The following ZFAT variants were observed in gnomAD, a reference collection of about 807,000 sequenced individuals.
The protein encoded by ZFAT is zinc finger protein ZFAT.
ZFAT carries 64 observed loss-of-function variants against 117.7 expected under a neutral mutation model. The observed-to-expected ratio is 0.54, with a 90% CI of 0.44 to 0.67. The LOEUF (loss-of-function observed/expected upper bound fraction) is 0.67, where lower values mean the gene tolerates loss of function less well. Ranked by LOEUF, ZFAT falls within the 30% of genes least tolerant of loss-of-function variation. The pLI is 0.00. For synonymous variants in ZFAT, 679 were observed against 615.0 expected, an observed-to-expected ratio of 1.10 and a Z score of -1.54; for missense variants, 1,433 against 1,584.5, an observed-to-expected ratio of 0.90 and a Z score of 1.62.
chr8:134,590,688 C>A (rs28717709), intron 7 of ZFAT, among the ~76,000 whole-genome samples: 12,435 of 136,294 alleles, frequency 0.091, 723 homozygotes, highest in East Asian at 0.43. Context: ...ACCACCACCA[C>A]CAACAACAAC....
chr8:134,776,355 G>T, the ZFAT span, among the ~76,000 whole-genome samples: 2 of 152,106 alleles, frequency 1.3e-5, no homozygotes, highest in South Asian at 2.1e-4. Context: ...CCAGGCTGCA[G>T]TGCTGCAGCA....
In ZFAT at chr8:134,618,394, C is replaced by A. The variant is rs1828888391; in HGVS notation, c.449-7739G>T. The stretch of plus-strand genomic sequence containing the variant: ...GTCCTGGTATGTGTGGTGTTTGCTG[C>A]AGAATGAGGCGGGGAGTCACACCCC... On this transcript the variant is annotated intron_variant, in intron 3 of 15. Transcript: ENST00000377838. Among the ~76,000 whole-genome samples, 2 of 152,150 alleles carry A rather than the reference C, an allele frequency of 1.3e-5. 1 individual carries two copies. The highest frequency in any genetic ancestry group is 4.1e-4 in the South Asian group (2 of 4,830).
the ZFAT span, among the ~76,000 whole-genome samples, chr8:134,780,336 G>A: frequency 1.3e-5 from 2 of 152,194 alleles, no homozygotes; most frequent in East Asian, 3.9e-4. Flanking sequence ...AGGTAACTCA[G>A]TAAATGGTAA....
intron 15 of ZFAT, among the ~76,000 whole-genome samples, chr8:134,503,108 C>CT (rs1249494813): frequency 6.6e-6 from 1 of 152,232 alleles, no homozygotes; most frequent in Non-Finnish European, 1.5e-5. Flanking sequence ...CTAGTTCCTA[C>CT]TAGACATCTA....
At chr8:134,681,843 A>T (rs552523107) in intron 1 of ZFAT, among the ~76,000 whole-genome samples, 3 of 152,346 alleles carry the variant, frequency 2.0e-5, no homozygotes, top group East Asian at 3.9e-4. Flanking sequence ...GAAATATTTT[A>T]ACAACATAAA....
intron 13 of ZFAT, among the ~76,000 whole-genome samples, chr8:134,514,094 G>A (rs1323686710): frequency 2.0e-5 from 3 of 152,152 alleles, no homozygotes; most frequent in Non-Finnish European, 4.4e-5. Flanking sequence ...AGGCATTCCT[G>A]GGAGCCAGGT....
At chr8:134,782,032 G>T in the ZFAT span, among the ~76,000 whole-genome samples, 1 of 152,196 alleles carries the variant, frequency 6.6e-6, no homozygotes, top group African/African-American at 2.4e-5. Context: ...GGGGGTGGCA[G>T]GGTGGGGTTA....
the ZFAT span, among the ~76,000 whole-genome samples, chr8:134,729,078 C>A: frequency 6.6e-6 from 1 of 152,176 alleles, no homozygotes; most frequent in Non-Finnish European, 1.5e-5. Context: ...GAATGCATAT[C>A]TTTTCCAACT....
chr8:134,597,907 C>G lies in ZFAT; in HGVS notation c.2475+2529G>C, dbSNP rs1426172279. ...GTCAACTGAGTCACACCCCCTTATTCAGCACACTGCTCTTCTCCTGCAGTT... is the reference window on the plus strand; with the variant it reads ...GTCAACTGAGTCACACCCCCTTATTGAGCACACTGCTCTTCTCCTGCAGTT... On this transcript the variant is annotated intron_variant, in intron 7 of 15. Transcript: ENST00000377838. The G allele has an allele frequency of 3.9e-5, 6 of 152,260 alleles. No homozygotes were observed. The East Asian group carries it at 1.2e-3, about 29-fold the overall frequency. 9.4% of individuals were successfully genotyped at this position (152,260 alleles called of 1,614,324 possible).
chr8:134,677,632 C>CAAATA (rs1832868854), intron 1 of ZFAT, among the ~76,000 whole-genome samples: 1 of 151,898 alleles, frequency 6.6e-6, no homozygotes, highest in Non-Finnish European at 1.5e-5. Context: ...CTAGCAGAGA[C>CAAATA]AAAATAAAAA....
At chr8:134,746,082 T>C in the ZFAT span, among the ~76,000 whole-genome samples, 1 of 152,206 alleles carries the variant, frequency 6.6e-6, no homozygotes, top group African/African-American at 2.4e-5. Flanking sequence ...CTTCTTTAAT[T>C]TGGAATCTAC....
intron 14 of ZFAT, 102 bp from the exon 15 acceptor site, chr8:134,509,851 A>G: frequency 6.9e-7 from 1 of 1,440,702 alleles, no homozygotes; most frequent in Admixed American, 2.2e-5. Context: ...CGCCTTCTCC[A>G]GAGGATGCAT....
chr8:134,719,642 G>T, the ZFAT span, among the ~76,000 whole-genome samples: 1 of 152,106 alleles, frequency 6.6e-6, no homozygotes, highest in African/African-American at 2.4e-5. Context: ...CATAAAACAT[G>T]ATTTTAATAT....
the ZFAT span, among the ~76,000 whole-genome samples, chr8:134,767,694 G>T: frequency 1.3e-5 from 2 of 152,166 alleles, no homozygotes; most frequent in Admixed American, 6.6e-5. Flanking sequence ...TTTTGGCTTC[G>T]ATTTTACTGT....
Position 134,601,641 on chromosome 8 carries a change from T to C in ZFAT, c.2078A>G (p.Asp693Gly). Reference protein sequence around the residue: ...DLLPPVAGGGDTITHQPDSCK... With the variant: ...DLLPPVAGGGGTITHQPDSCK... ...AGAGTCAGGCTGATGTGTGATGGTG[T>C]CCCCACCACCAGCTACTGGAGGGAG... The change falls in exon 6 of 16, where the codon GAC becomes GGC. Residue 693 changes from aspartate (D) to glycine (G), a missense_variant. Asp to Gly is a moderately conservative substitution (Grantham distance 94, BLOSUM62 -1). Around this residue, in one of 5 missense-constraint regions of ZFAT, gnomAD observed 372 missense variants for 355.6 expected, o/e 1.05. Transcript: ENST00000377838. 3.7e-6 allele frequency: 6 copies of C among 1,614,158 alleles called. No homozygotes were observed. The highest frequency in any genetic ancestry group is 5.1e-6 in the Non-Finnish European group (6 of 1,180,026).
chr8:134,762,011 T>TGTGTGTGTGTGTGTGTGTGC, the ZFAT span, among the ~76,000 whole-genome samples: 1 of 150,024 alleles, frequency 6.7e-6, no homozygotes, highest in African/African-American at 2.4e-5. Context: ...TGTGTGTGTG[T>TGTGTGTGTGTGTGTGTGTGC]GCAAATGTGT....
At chr8:134,641,804 CCTCTTAACTCTG>C (rs761441300) in intron 2 of ZFAT, among the ~76,000 whole-genome samples, 110 of 152,332 alleles carry the variant, frequency 7.2e-4, no homozygotes, top group Middle Eastern at 3.4e-3. Flanking sequence ...AGCCACAGTG[CCTCTTAACTCTG>C]CTCTAAATCC....
chr8:134,798,417 C>T, the ZFAT span: 1 of 151,958 alleles, frequency 6.6e-6, no homozygotes, highest in Non-Finnish European at 1.5e-5. Context: ...ACACATTAAT[C>T]AGAAAATATG....
chr8:134,485,431 C>T (rs568290063), intron 15 of ZFAT, among the ~76,000 whole-genome samples: 22 of 152,330 alleles, frequency 1.4e-4, no homozygotes, highest in Admixed American at 1.1e-3. Context: ...TGATGGACTC[C>T]TCTGTCAAAG....
Sources: allele counts gnomAD v4.1 joint callset (sites outside exome capture counted in the v4.1 genomes callset), GRCh38; gene constraint gnomAD v4.1.1; regional missense constraint gnomAD v4.1.1; transcripts MANE v1.5; gene names NCBI Gene and HGNC (gene_info 2026-07-23, HGNC 2026-07-21).